The following EPOR variants were observed in gnomAD, a reference collection of about 807,000 sequenced individuals.
EPOR encodes erythropoietin receptor.
In EPOR, 20 loss-of-function variants were observed where a neutral mutation model predicts 34.3. That is an observed-to-expected ratio of 0.58 (90% confidence interval 0.41 to 0.85). EPOR has a LOEUF of 0.85. Among genes scored for constraint, EPOR ranks in the 40% least tolerant of loss-of-function variants. The pLI is 0.00. For missense variants in EPOR, 601 were observed against 672.7 expected (o/e 0.89, Z 1.18); for synonymous variants, 312 against 299.0 (o/e 1.04, Z -0.45).
rs1968351567 is a variant in EPOR at position 11,381,183 on chromosome 19, C to A, written c.612G>T (p.Glu204Asp). 1 of 1,550,556 alleles carries A rather than the reference C, an allele frequency of 6.4e-7. No individual in the cohort carries two copies. The highest frequency in any genetic ancestry group is 2.4e-5 in the East Asian group (1 of 41,040). Residue 204 changes from glutamate to aspartate, a missense_variant, in exon 5 of 8, where the codon GAG becomes GAT. Physicochemically the swap from Glu to Asp is conservative, Grantham distance 45. Coordinates refer to ENST00000222139, the MANE Select transcript of EPOR (RefSeq NM_000121.4). This position sits in a 1 kb window ranked among gnomAD's most constrained non-coding sequence, Gnocchi z 5.3. Reference sequence around the variant, plus strand: ...GGCCCCGCAGGTTGCTCAGCACACACTCGGTGCGGCCCTCCAGGATCTCCA... The same window carrying A: ...GGCCCCGCAGGTTGCTCAGCACACAATCGGTGCGGCCCTCCAGGATCTCCA... ...QRVEILEGRT[E>D]CVLSNLRGRT...
At chr19:11,380,838 G>A (rs1255621769) in intron 6 of EPOR, 46 bp downstream of exon 6, 4 of 1,445,056 alleles carry the variant, frequency 2.8e-6, no homozygotes, top group Non-Finnish European at 3.8e-6. Context: ...AAAGAGGACC[G>A]TTGGCGGGGA....
At chr19:11,382,800 A>G in intron 2 of EPOR, 4 of 1,376,720 alleles carry the variant, frequency 2.9e-6, no homozygotes, top group Non-Finnish European at 3.8e-6. Flanking sequence ...CTCCTTTTGG[A>G]TACTACCTCG....
At position 11,382,240 on chromosome 19, in the gene EPOR, G is replaced by A; in HGVS notation, c.252-135C>T. The A allele has an allele frequency of 4.0e-6, 3 of 751,026 alleles. 1 individual carries two copies. The South Asian group carries it at 5.2e-5, about 13-fold the overall frequency. 46.5% of individuals were successfully genotyped at this position (751,026 alleles called of 1,614,324 possible). On this transcript the variant is annotated intron_variant, in intron 2 of 7. Transcript: ENST00000222139. ...GTGTGTGACAAGGTGTTCCTTCGTC[G>A]CCCAGGCTGGAGTGCAGTGGCGCGA...
Position 11,381,461 on chromosome 19 carries a change from G to T in EPOR, c.585+231C>A, listed in dbSNP as rs1367575348. The T allele has an allele frequency of 9.0e-6, 6 of 668,414 alleles. No homozygotes were observed. The highest frequency in any genetic ancestry group is 2.9e-5 in the Admixed American group (1 of 34,666). The allele number at this position is 668,414 out of a possible 1,614,324, so 41.4% of individuals were successfully genotyped here. On this transcript the variant is annotated intron_variant, in intron 4 of 7. Transcript: ENST00000222139. This position sits in a 1 kb window ranked among gnomAD's most constrained non-coding sequence, Gnocchi z 5.3. ...CTCGTAGAGGGACCCGGGCGCTAAA[G>T]GGGTCTAGGGTTACGGGCCGGAGGG...
rs1470189689 is a variant in EPOR, at chr19:11,377,664, T to G, written c.*320A>C. ...GTAGCATTCAGATTGCAGATCCAGC[T>G]TCTGAATAAGCTCAAGAACTTTAAC... On this transcript the variant is annotated 3_prime_UTR_variant, in exon 8 of 8. Coordinates refer to ENST00000222139, the MANE Select transcript of EPOR (RefSeq NM_000121.4). The G allele has an allele frequency of 1.1e-5, 6 of 532,840 alleles. No homozygotes were observed. The highest frequency in any genetic ancestry group is 6.1e-5 in the South Asian group (4 of 65,244). The allele number at this position is 532,840 out of a possible 1,614,324, so 33.0% of individuals were successfully genotyped here.
In EPOR at chr19:11,383,395, C is replaced by G; in HGVS notation, c.116-163G>C. 1 of 670,748 alleles carries G rather than the reference C, an allele frequency of 1.5e-6. No homozygotes were observed. Among genetic ancestry groups the G allele is most frequent in the Non-Finnish European group, 2.4e-6 (1 of 410,730 alleles). The allele number at this position is 670,748 out of a possible 1,614,324, so 41.5% of individuals were successfully genotyped here. A position where few individuals can be genotyped will look rare whatever the true frequency, so the allele number is the denominator to read the frequency against. ...CTTGGAGGGGTCCGCAGAGGTGGTG[C>G]CCCCCTAATTCCCAGGGGCAAGTTT... On this transcript the variant is annotated intron_variant, in intron 1 of 7. Transcript: ENST00000222139. This position sits in a 1 kb window ranked among gnomAD's most constrained non-coding sequence, Gnocchi z 4.9.
intron 6 of EPOR, among the ~76,000 whole-genome samples, chr19:11,380,080 T>G (rs1427186125): frequency 6.6e-6 from 1 of 152,242 alleles, no homozygotes; most frequent in Non-Finnish European, 1.5e-5. Context: ...TGCTGTTTCT[T>G]CTCCCCACTT....
rs1175295465 is a variant in EPOR, at chr19:11,381,168, G to T, written c.627C>A (p.Asn209Lys). The T allele has an allele frequency of 2.6e-6, 4 of 1,553,258 alleles. No individual in the cohort carries two copies. The highest frequency in any genetic ancestry group is 3.5e-6 in the Non-Finnish European group (4 of 1,148,812). The change falls in exon 5 of 8, where the codon AAC (asparagine) becomes AAA (lysine). Residue 209 changes from asparagine to lysine, a missense_variant. Physicochemically the swap from Asn to Lys is moderately conservative, Grantham distance 94 (BLOSUM62 0). Coordinates refer to ENST00000222139, the MANE Select transcript of EPOR (RefSeq NM_000121.4). The surrounding 1 kb of genome is among the most constrained non-coding windows in gnomAD (Gnocchi z 5.3). ...LEGRTECVLS[N>K]LRGRTRYTFA... ...AGGTGTAGCGCGTCCGGCCCCGCAG[G>T]TTGCTCAGCACACACTCGGTGCGGC...
At position 11,382,015 on chromosome 19, in the gene EPOR, C is replaced by T. The variant is rs1249872036; in HGVS notation, c.342G>A (p.Thr114=). 1.9e-6 allele frequency: 3 copies of T among 1,614,114 alleles called. No homozygotes were observed. The highest frequency in any genetic ancestry group is 2.5e-6 in the Non-Finnish European group (3 of 1,180,046). The change falls in exon 3 of 8, where the codon ACG becomes ACA. Residue 114 remains threonine (T), a synonymous_variant. Transcript: ENST00000222139. ...RFWCSLPTAD[T]SSFVPLELRV... ...GCAACTCTAGGGGCACGAAGCTCGA[C>T]GTGTCGGCTGTAGGCAGCGAACACC...
Position 11,378,310 on chromosome 19 carries a change from A to G in EPOR, c.1201T>C (p.Ser401Pro). Residue 401 changes from serine to proline, a missense_variant, in exon 8 of 8, where the codon TCA becomes CCA. Physicochemically the swap from Ser to Pro is moderately conservative, Grantham distance 74 (BLOSUM62 -1). Coordinates refer to ENST00000222139, the MANE Select transcript of EPOR (RefSeq NM_000121.4). The surrounding 1 kb of genome is among the most constrained non-coding windows in gnomAD (Gnocchi z 5.3). Reference protein sequence around the residue: ...SVDIVAMDEGSEASSCSSALA... With the variant: ...SVDIVAMDEGPEASSCSSALA... ...GCAGATGAGCAGGAGGATGCTTCTGAGCCTTCATCCATGGCCACTATGTCC... is the reference window on the plus strand; with the variant it reads ...GCAGATGAGCAGGAGGATGCTTCTGGGCCTTCATCCATGGCCACTATGTCC... 6.2e-7 allele frequency: 1 copy of G among 1,613,724 alleles called. No homozygotes were observed. The highest frequency in any genetic ancestry group is 8.5e-7 in the Non-Finnish European group (1 of 1,180,020).
At position 11,377,559 on chromosome 19, in the gene EPOR, G is replaced by A. The variant is rs140441486; in HGVS notation, c.*425C>T. 9.4e-4 allele frequency: 427 copies of A among 455,016 alleles called. 2 individuals carry two copies. The highest frequency in any genetic ancestry group is 3.1e-3 in the Admixed American group (134 of 42,576). The allele number at this position is 455,016 out of a possible 1,614,324, so 28.2% of individuals were successfully genotyped here. A position where few individuals can be genotyped will look rare whatever the true frequency, so the allele number is the denominator to read the frequency against. On this transcript the variant is annotated 3_prime_UTR_variant, in exon 8 of 8. Transcript: ENST00000222139. ...ATGGATGGCTGCCCATTTGAGCTGAGTTAGGAGAGAGAAATCATTTAATGT... is the reference window on the plus strand; with the variant it reads ...ATGGATGGCTGCCCATTTGAGCTGAATTAGGAGAGAGAAATCATTTAATGT...
At position 11,378,637 on chromosome 19, in the gene EPOR, T is replaced by C. The variant is rs748324034; in HGVS notation, c.916-42A>G. 2.5e-6 allele frequency: 4 copies of C among 1,614,164 alleles called. No homozygotes were observed. Among genetic ancestry groups the C allele is most frequent in the Non-Finnish European group, 3.4e-6 (4 of 1,180,018 alleles). ...AACCTGCTCAGAGAGGCCTGCAGTT[T>C]GGCTGCAAGAAGCAGGGAAGCCCAG... On this transcript the variant is annotated intron_variant, in intron 7 of 7. Transcript: ENST00000222139. This position sits in a 1 kb window ranked among gnomAD's most constrained non-coding sequence, Gnocchi z 5.3.
Position 11,381,591 on chromosome 19 carries a change from A to T in EPOR, c.585+101T>A. 8.0e-7 allele frequency: 1 copy of T among 1,256,524 alleles called. No individual in the cohort carries two copies. Among genetic ancestry groups the T allele is most frequent in the Non-Finnish European group, 1.1e-6 (1 of 900,320 alleles). The allele number at this position is 1,256,524 out of a possible 1,614,324, so 77.8% of individuals were successfully genotyped here. A position where few individuals can be genotyped will look rare whatever the true frequency, so the allele number is the denominator to read the frequency against. ...CCAGGGTAATGGGATGTGGGATGTT[A>T]CGGACCGGCCCTGAAAGCGGCACCG... On this transcript the variant is annotated intron_variant, in intron 4 of 7. Transcript: ENST00000222139. The surrounding 1 kb of genome is among the most constrained non-coding windows in gnomAD (Gnocchi z 5.3).
rs1340067706 is a variant in EPOR, at chr19:11,381,609, C to T, written c.585+83G>A. On this transcript the variant is annotated intron_variant, in intron 4 of 7. Coordinates refer to ENST00000222139, the MANE Select transcript of EPOR (RefSeq NM_000121.4). This position sits in a 1 kb window ranked among gnomAD's most constrained non-coding sequence, Gnocchi z 5.3. ...GGATGTTACGGACCGGCCCTGAAAG[C>T]GGCACCGGGCGCGACCTCGAGAGGC... The T allele has an allele frequency of 1.4e-6, 2 of 1,430,764 alleles. No homozygotes were observed. The highest frequency in any genetic ancestry group is 2.0e-5 in the Admixed American group (1 of 49,090). The allele number at this position is 1,430,764 out of a possible 1,614,324, so 88.6% of individuals were successfully genotyped here.
rs771615437 is a variant in EPOR at position 11,382,943 on chromosome 19, G to A, written c.251+154C>T. ...TCGCGCCCCGGCCCATAGAGGGCGT[G>A]CCAGCCCTGGACCCGCAGGTTTCCC... On this transcript the variant is annotated intron_variant, in intron 2 of 7. Transcript: ENST00000222139. The A allele has an allele frequency of 3.9e-6, 6 of 1,550,570 alleles. No homozygotes were observed. The African/African-American group carries it at 8.2e-5, about 21-fold the overall frequency.
At position 11,384,108 on chromosome 19, in the gene EPOR, TG is replaced by T; in HGVS notation, c.99del (p.Lys34SerfsTer87). On this transcript the variant is annotated frameshift_variant, in exon 1 of 8. Coordinates refer to ENST00000222139, the MANE Select transcript of EPOR (RefSeq NM_000121.4). LOFTEE classifies it high-confidence loss of function. ...AWAPPPNLPD[P>X]KFESKAALLA... ...TCATCCTTACCTTTGCTCTCGAACT[TG>T]GGGTCCGGGAGGTTAGGCGGGGGCG... 5 of 1,549,436 alleles carry T rather than the reference TG, an allele frequency of 3.2e-6. No homozygotes were observed. The highest frequency in any genetic ancestry group is 2.0e-5 in the Admixed American group (1 of 50,928).
chr19:11,377,255 G>C lies in EPOR; in HGVS notation c.*729C>G, dbSNP rs756134980. ...TTATTAGTGGCAGAGACTAGCTAGT[G>C]GCCCTTAAACAGCTTTGCCCTTCCT... On this transcript the variant is annotated 3_prime_UTR_variant, in exon 8 of 8. Transcript: ENST00000222139. 2.2e-6 allele frequency: 1 copy of C among 454,080 alleles called. No individual in the cohort carries two copies. The highest frequency in any genetic ancestry group is 1.6e-5 in the South Asian group (1 of 64,474). The allele number at this position is 454,080 out of a possible 1,614,324, so 28.1% of individuals were successfully genotyped here. A position where few individuals can be genotyped will look rare whatever the true frequency, so the allele number is the denominator to read the frequency against.
At position 11,377,838 on chromosome 19, in the gene EPOR, G is replaced by A. The variant is rs530996065; in HGVS notation, c.*146C>T. 1.8e-3 allele frequency: 1,698 copies of A among 932,144 alleles called. 25 individuals are homozygous for A. The highest frequency in any genetic ancestry group is 3.0e-4 in the Non-Finnish European group (169 of 569,526). 57.7% of individuals were successfully genotyped at this position (932,144 alleles called of 1,614,324 possible). A position where few individuals can be genotyped will look rare whatever the true frequency, so the allele number is the denominator to read the frequency against. ...TATTTAAAAATACTGCAAGGTTGTG[G>A]TTTCCTGAGCAGGATGGATTGGGCA... On this transcript the variant is annotated 3_prime_UTR_variant, in exon 8 of 8. Coordinates refer to ENST00000222139, the MANE Select transcript of EPOR (RefSeq NM_000121.4).
rs1278484786 is a variant in EPOR at position 11,381,611 on chromosome 19, G to C, written c.585+81C>G. ...ATGTTACGGACCGGCCCTGAAAGCGGCACCGGGCGCGACCTCGAGAGGCGT... is the reference window on the plus strand; with the variant it reads ...ATGTTACGGACCGGCCCTGAAAGCGCCACCGGGCGCGACCTCGAGAGGCGT... On this transcript the variant is annotated intron_variant, in intron 4 of 7. Transcript: ENST00000222139. The surrounding 1 kb of genome is among the most constrained non-coding windows in gnomAD (Gnocchi z 5.3). The C allele has an allele frequency of 4.8e-6, 7 of 1,456,706 alleles. No individual in the cohort carries two copies. Among genetic ancestry groups the C allele is most frequent in the African/African-American group, 1.4e-5 (1 of 71,374 alleles). The allele number at this position is 1,456,706 out of a possible 1,614,324, so 90.2% of individuals were successfully genotyped here.
Sources: gnomAD v4.1 joint callset for allele counts (sites outside exome capture counted in the v4.1 genomes callset) on GRCh38, gnomAD v4.1.1 for gene constraint, Gnocchi (gnomAD v3.1) non-coding constraint, MANE v1.5 for transcripts, NCBI Gene and HGNC (gene_info 2026-07-23, HGNC 2026-07-21) for gene names.